The following ARHGAP44 variants were observed in gnomAD, a reference collection of about 807,000 sequenced individuals.
ARHGAP44 encodes the protein Rho GTPase activating protein 44.
In ARHGAP44, 43 loss-of-function variants were observed where a neutral mutation model predicts 106.8. The ratio of observed to expected loss-of-function variants is 0.40; its 90% CI spans 0.32 to 0.52. ARHGAP44 has a LOEUF of 0.52. Among genes scored for constraint, ARHGAP44 ranks in the 20% least tolerant of loss-of-function variants. ARHGAP44 has a pLI of 0.48. For synonymous variants in ARHGAP44, 439 were observed against 410.3 expected, an observed-to-expected ratio of 1.07 and a Z score of -0.85; for missense variants, 866 against 1,050.5, an observed-to-expected ratio of 0.82 and a Z score of 2.43.
In ARHGAP44 at chr17:12,789,722, C is replaced by G. The variant is rs531220539; in HGVS notation, c.-117C>G. On this transcript the variant is annotated 5_prime_UTR_variant, in exon 1 of 21. Coordinates refer to ENST00000379672, the MANE Select transcript of ARHGAP44 (RefSeq NM_014859.6). ...CGGGCCAGACGGCGCCCGGAGGCTC[C>G]GCAGTGCCGCCGCCGTCGCCCGGGA... 3.1e-6 allele frequency: 3 copies of G among 965,372 alleles called. No homozygotes were observed. The highest frequency in any genetic ancestry group is 3.5e-5 in the African/African-American group (2 of 57,716). The allele number at this position is 965,372 out of a possible 1,614,324, so 59.8% of individuals were successfully genotyped here.
rs2033676532 is a variant in ARHGAP44, at chr17:12,789,786, C to T, written c.-53C>T. ...AGCCATGTAACCCTGCGGCGGGCTC[C>T]GGGCTGCTCCGTCCTTCCCCAGCTC... On this transcript the variant is annotated 5_prime_UTR_variant, in exon 1 of 21. Coordinates refer to ENST00000379672, the MANE Select transcript of ARHGAP44 (RefSeq NM_014859.6). The T allele has an allele frequency of 6.9e-6, 10 of 1,454,678 alleles. No individual in the cohort carries two copies. The East Asian group carries it at 2.1e-4, about 31-fold the overall frequency. 90.1% of individuals were successfully genotyped at this position (1,454,678 alleles called of 1,614,324 possible).
At chr17:12,897,678 G>A (rs923531369) in intron 3 of ARHGAP44, among the ~76,000 whole-genome samples, 2 of 150,710 alleles carry the variant, frequency 1.3e-5, no homozygotes, top group Non-Finnish European at 2.9e-5. Flanking sequence ...CCGGATGGGG[G>A]TGCTGGAGCC....
chr17:12,985,206 T>C (rs766159162), intron 20 of ARHGAP44: 6 of 343,732 alleles, frequency 1.7e-5, no homozygotes, highest in African/African-American at 2.1e-5. Flanking sequence ...TCATTTGGAG[T>C]GGGGCCTCAG....
chr17:12,814,507 C>T (rs912833221), intron 1 of ARHGAP44, among the ~76,000 whole-genome samples: 7 of 151,854 alleles, frequency 4.6e-5, no homozygotes, highest in African/African-American at 1.7e-4. Flanking sequence ...TCCCGAAGTG[C>T]TGGGATTACA....
rs879897434 is a variant in ARHGAP44, at chr17:12,961,734, C to CA, written c.1523+2848dup. On this transcript the variant is annotated intron_variant, in intron 16 of 20. Transcript: ENST00000379672. ...GGCAACAAGAGCAAAACTCTGTCTC[C>CA]AAAAAAAAAAAGTTAAATTCAATGA... Among the ~76,000 whole-genome samples, 740 of 144,350 alleles carry CA rather than the reference C, an allele frequency of 5.1e-3. 2 individuals are homozygous for CA. Among genetic ancestry groups the CA allele is most frequent in the African/African-American group, 0.013 (528 of 39,500 alleles). The allele number at this position is 144,350 out of a possible 152,430, so 94.7% of individuals were successfully genotyped here. A position where few individuals can be genotyped will look rare whatever the true frequency, so the allele number is the denominator to read the frequency against.
intron 1 of ARHGAP44, among the ~76,000 whole-genome samples, chr17:12,885,196 G>T (rs2322653): frequency 0.64 from 97,133 of 152,134 alleles, 31,410 homozygotes; most frequent in East Asian, 0.94. Flanking sequence ...ATCGCACCCA[G>T]CACCTGCTGA....
Position 12,789,819 on chromosome 17 carries a change from AGCGCG to A in ARHGAP44, c.-17_-13del. 6.7e-7 allele frequency: 1 copy of A among 1,500,272 alleles called. No individual in the cohort carries two copies. The highest frequency in any genetic ancestry group is 1.7e-4 in the Middle Eastern group (1 of 5,834). 92.9% of individuals were successfully genotyped at this position (1,500,272 alleles called of 1,614,324 possible). On this transcript the variant is annotated 5_prime_UTR_variant, in exon 1 of 21. Transcript: ENST00000379672. The stretch of plus-strand genomic sequence containing the variant: ...TCCGTCCTTCCCCAGCTCCCGGGCT[AGCGCG>A]GCAGCGGGGCCACGATGAAGAAGCA...
chr17:12,848,353 A>C (rs2035631092), intron 1 of ARHGAP44, among the ~76,000 whole-genome samples: 1 of 152,000 alleles, frequency 6.6e-6, no homozygotes, highest in South Asian at 2.1e-4. Context: ...GGGTGTAGAT[A>C]GATATTCAGA....
At chr17:12,798,375 CAA>C (rs2033988109) in intron 1 of ARHGAP44, among the ~76,000 whole-genome samples, 1 of 152,060 alleles carries the variant, frequency 6.6e-6, no homozygotes. Context: ...TCTTTGACAT[CAA>C]AGTTAAATTT....
At chr17:12,869,311 C>G (rs749697108) in intron 1 of ARHGAP44, among the ~76,000 whole-genome samples, 7 of 152,172 alleles carry the variant, frequency 4.6e-5, no homozygotes, top group Non-Finnish European at 7.3e-5. Context: ...ACTCCTCTTA[C>G]AAATGTAGTC....
chr17:12,852,595 G>A (rs561520217), intron 1 of ARHGAP44, among the ~76,000 whole-genome samples: 9 of 149,726 alleles, frequency 6.0e-5, no homozygotes, highest in African/African-American at 2.0e-4. Context: ...AGGCTGGAGT[G>A]CAGTGGTGCA....
At chr17:12,941,265 G>C (rs1462113476) in intron 8 of ARHGAP44, 141 bp downstream of exon 8, 1 of 694,094 alleles carries the variant, frequency 1.4e-6, no homozygotes, top group Non-Finnish European at 2.4e-6. Context: ...AATAAATCCT[G>C]CCATGCTCCT....
At chr17:12,986,880 G>T in intron 20 of ARHGAP44, 1 of 451,798 alleles carries the variant, frequency 2.2e-6, no homozygotes, top group East Asian at 3.4e-5. Context: ...GATTCATAAT[G>T]TCCCTCGCCC....
At chr17:12,909,406 T>C (rs1167248852) in intron 4 of ARHGAP44, among the ~76,000 whole-genome samples, 4 of 151,854 alleles carry the variant, frequency 2.6e-5, no homozygotes, top group African/African-American at 4.8e-5. Flanking sequence ...AATAGAACTA[T>C]ATGGAAGAAA....
chr17:12,811,641 T>C (rs2034444975), intron 1 of ARHGAP44, among the ~76,000 whole-genome samples: 1 of 152,196 alleles, frequency 6.6e-6, no homozygotes, highest in African/African-American at 2.4e-5. Flanking sequence ...AAATATTCTT[T>C]CCTTGTTGGG....
At chr17:12,917,663 A>G (rs561800438) in intron 5 of ARHGAP44, among the ~76,000 whole-genome samples, 15 of 152,206 alleles carry the variant, frequency 9.9e-5, no homozygotes, top group African/African-American at 2.9e-4. Context: ...TGAGGCATCC[A>G]TCAGTCCAGC....
chr17:12,881,491 G>A (rs184043468), intron 1 of ARHGAP44, among the ~76,000 whole-genome samples: 1 of 151,374 alleles, frequency 6.6e-6, no homozygotes, highest in East Asian at 2.0e-4. Flanking sequence ...TTCCATTTTT[G>A]TGAGTTTATT....
At chr17:12,913,752 G>A (rs2037811232) in intron 4 of ARHGAP44, among the ~76,000 whole-genome samples, 1 of 150,984 alleles carries the variant, frequency 6.6e-6, no homozygotes, top group African/African-American at 2.4e-5. Flanking sequence ...TGGATTACCT[G>A]AGGTCCAGAG....
At chr17:12,989,115 A>AAC (rs2040039957) in intron 20 of ARHGAP44, among the ~76,000 whole-genome samples, 4 of 145,992 alleles carry the variant, frequency 2.7e-5, no homozygotes, top group Admixed American at 6.9e-5. Flanking sequence ...AAAAAAAAAA[A>AAC]AAAAAAAAAA....
Sources: allele counts gnomAD v4.1 joint callset (sites outside exome capture counted in the v4.1 genomes callset), GRCh38; gene constraint gnomAD v4.1.1; transcripts MANE v1.5; gene names NCBI Gene and HGNC (gene_info 2026-07-23, HGNC 2026-07-21).